LRFN5: variants seen among roughly 807,000 people sequenced by gnomAD.
LRFN5 encodes leucine rich repeat and fibronectin type III domain containing 5, also known as leucine-rich repeat and fibronectin type-III domain-containing protein 5.
In LRFN5, 24 loss-of-function variants were observed where a neutral mutation model predicts 45.6. The ratio of observed to expected loss-of-function variants is 0.53; its 90% CI spans 0.38 to 0.74. The LOEUF (loss-of-function observed/expected upper bound fraction) is 0.74. Ranked by LOEUF, LRFN5 falls within the 30% of genes least tolerant of loss-of-function variation. The pLI is 0.00. For missense variants in LRFN5, 776 were observed against 861.5 expected, an observed-to-expected ratio of 0.90 and a Z score of 1.24; for synonymous variants, 340 against 313.8, an observed-to-expected ratio of 1.08 and a Z score of -0.88.
chr14:41,636,544 A>G (rs1287697400), intron 1 of LRFN5, among the ~76,000 whole-genome samples: 1 of 152,068 alleles, frequency 6.6e-6, no homozygotes, highest in Non-Finnish European at 1.5e-5. Context: ...CTTAGCACCA[A>G]CATGGCACAT....
chr14:41,689,837 G>A (rs1440698869), intron 1 of LRFN5, among the ~76,000 whole-genome samples: 1 of 142,596 alleles, frequency 7.0e-6, no homozygotes, highest in Non-Finnish European at 1.5e-5. Context: ...GGAGCTTGCA[G>A]TGAGCCGAGA....
chr14:41,610,466 A>C (rs774845586), intron 1 of LRFN5, among the ~76,000 whole-genome samples: 8 of 151,644 alleles, frequency 5.3e-5, no homozygotes, highest in Non-Finnish European at 8.8e-5. Flanking sequence ...TATTGTTTCT[A>C]GTTGAAACAC....
intron 1 of LRFN5, among the ~76,000 whole-genome samples, chr14:41,628,984 T>A (rs1274432308): frequency 3.3e-5 from 5 of 152,170 alleles, no homozygotes; most frequent in African/African-American, 1.2e-4. Flanking sequence ...GTGTGTAAAC[T>A]GTTAAAATCC....
At chr14:41,879,921 T>C (rs1890316642) in intron 2 of LRFN5, among the ~76,000 whole-genome samples, 1 of 132,428 alleles carries the variant, frequency 7.6e-6, no homozygotes. Context: ...TTTTCCTTTT[T>C]TTTTTTTTTT....
chr14:41,758,826 G>A (rs983067328), intron 1 of LRFN5, among the ~76,000 whole-genome samples: 2 of 151,954 alleles, frequency 1.3e-5, no homozygotes, highest in Non-Finnish European at 2.9e-5. Context: ...ATTTCTAATT[G>A]CATCATTTAA....
chr14:41,714,773 T>C (rs1883421975), intron 1 of LRFN5, among the ~76,000 whole-genome samples: 1 of 152,084 alleles, frequency 6.6e-6, no homozygotes, highest in Admixed American at 6.5e-5. Context: ...GGAGTGGTTG[T>C]GCACACCTAT....
At chr14:41,748,947 T>A (rs1164954716) in intron 1 of LRFN5, among the ~76,000 whole-genome samples, 1 of 151,812 alleles carries the variant, frequency 6.6e-6, no homozygotes, top group East Asian at 1.9e-4. Flanking sequence ...CTGGAGGCAG[T>A]GGATTCTATA....
At chr14:41,757,974 T>C (rs922464922) in intron 1 of LRFN5, among the ~76,000 whole-genome samples, 3 of 152,188 alleles carry the variant, frequency 2.0e-5, no homozygotes, top group Non-Finnish European at 4.4e-5. Flanking sequence ...CCATGGTGGC[T>C]CATACTAATA....
At chr14:41,774,093 T>C (rs1886191110) in intron 2 of LRFN5, among the ~76,000 whole-genome samples, 1 of 152,194 alleles carries the variant, frequency 6.6e-6, no homozygotes, top group South Asian at 2.1e-4. Context: ...ATGATGAGTT[T>C]ACATTTAGGA....
intron 1 of LRFN5, among the ~76,000 whole-genome samples, chr14:41,757,853 T>C (rs1402194800): frequency 6.6e-6 from 1 of 152,152 alleles, no homozygotes; most frequent in East Asian, 1.9e-4. Flanking sequence ...GTGGCTCACA[T>C]TGGGAGCTGT....
chr14:41,868,020 A>G (rs907251008), intron 2 of LRFN5, among the ~76,000 whole-genome samples: 21 of 152,164 alleles, frequency 1.4e-4, no homozygotes, highest in African/African-American at 5.1e-4. Context: ...ACTTATATTC[A>G]CCATGGAGTT....
intron 1 of LRFN5, among the ~76,000 whole-genome samples, chr14:41,647,003 A>G (rs1566601953): frequency 6.6e-6 from 1 of 152,224 alleles, no homozygotes; most frequent in Non-Finnish European, 1.5e-5. Context: ...GTCTGTGAGG[A>G]AGTAAAATTT....
chr14:41,890,604 G>A (rs1428125707), intron 3 of LRFN5, among the ~76,000 whole-genome samples: 2 of 151,826 alleles, frequency 1.3e-5, no homozygotes, highest in African/African-American at 4.8e-5. Context: ...CTACTCGGCA[G>A]GCTGAGGCAG....
chr14:41,804,372 TG>T lies in LRFN5; in HGVS notation c.-21+37345del, dbSNP rs1358315359. Among the ~76,000 whole-genome samples, 4 of 152,122 alleles carry T rather than the reference TG, an allele frequency of 2.6e-5. 1 individual carries two copies. The highest frequency in any genetic ancestry group is 7.2e-5 in the African/African-American group (3 of 41,438). Reference sequence around the variant, plus strand: ...GTTGGCAGATCTGGGTGGAGCCATTTGGTCATCAGAAATGCAAAAGCCTGAA... The same window carrying T: ...GTTGGCAGATCTGGGTGGAGCCATTTGTCATCAGAAATGCAAAAGCCTGAA... On this transcript the variant is annotated intron_variant, in intron 2 of 5. Transcript: ENST00000298119.
chr14:41,746,956 A>G (rs1047881365), intron 1 of LRFN5, among the ~76,000 whole-genome samples: 10 of 151,998 alleles, frequency 6.6e-5, no homozygotes, highest in Non-Finnish European at 1.5e-4. Flanking sequence ...TCCATTTACA[A>G]TACCATCAGA....
chr14:41,698,824 G>A (rs1029690736), intron 1 of LRFN5, among the ~76,000 whole-genome samples: 4 of 151,888 alleles, frequency 2.6e-5, no homozygotes, highest in African/African-American at 9.7e-5. Flanking sequence ...TGTAATTTAG[G>A]AGATACTTGG....
At chr14:41,609,441 G>C (rs17112133) in intron 1 of LRFN5, among the ~76,000 whole-genome samples, 9,297 of 151,824 alleles carry the variant, frequency 0.061, 691 homozygotes, top group East Asian at 0.27. Flanking sequence ...TTAACATATT[G>C]GGTCTGGTAT....
Position 41,891,284 on chromosome 14 carries a change from A to G in LRFN5, c.1420A>G (p.Asn474Asp). The G allele has an allele frequency of 6.2e-7, 1 of 1,614,072 alleles. No homozygotes were observed. The highest frequency in any genetic ancestry group is 8.5e-7 in the Non-Finnish European group (1 of 1,180,034). The change falls in exon 4 of 6, where the codon AAT (asparagine) becomes GAT (aspartate). Residue 474 changes from asparagine to aspartate, a missense_variant. This residue lies in a region of LRFN5 where 465 missense variants were observed against 456.4 expected (regional missense o/e 1.02). Transcript: ENST00000298119. ...IPPTSKTFLVNNLAAGTMYDL... is the reference protein window; with the variant it reads ...IPPTSKTFLVDNLAAGTMYDL... The stretch of plus-strand genomic sequence containing the variant: ...TCCTACGAGCAAAACTTTTCTGGTC[A>G]ATAATCTGGCTGCTGGAACTATGTA...
intron 2 of LRFN5, among the ~76,000 whole-genome samples, chr14:41,867,910 G>A (rs567227864): frequency 1.5e-4 from 23 of 151,970 alleles, no homozygotes; most frequent in African/African-American, 5.1e-4. Flanking sequence ...AACTTTTGTA[G>A]GGGAGAGATC....
Sources: gnomAD v4.1 joint callset for allele counts (sites outside exome capture counted in the v4.1 genomes callset) on GRCh38, gnomAD v4.1.1 for gene constraint, gnomAD v4.1.1 regional missense constraint, MANE v1.5 for transcripts, NCBI Gene and HGNC (gene_info 2026-07-23, HGNC 2026-07-21) for gene names.